The following RBL1 variants were observed in gnomAD, a reference collection of about 807,000 sequenced individuals.
RBL1 encodes the protein RB transcriptional corepressor like 1.
In RBL1, 82 loss-of-function variants were observed where a neutral mutation model predicts 123.0. That is an observed-to-expected ratio of 0.67 (90% CI 0.56 to 0.80). RBL1 has a LOEUF of 0.80. Among genes scored for constraint, RBL1 ranks in the 30% least tolerant of loss-of-function variants. RBL1 has a pLI of 0.00. For missense variants in RBL1, 1,171 were observed against 1,299.6 expected (o/e 0.90, Z 1.52); for synonymous variants, 405 against 441.3 (o/e 0.92, Z 1.03).
rs369090250 is a variant in RBL1, at chr20:37,020,735, G to A, written c.2560-5C>T. The A allele has an allele frequency of 5.5e-5, 85 of 1,549,196 alleles. No homozygotes were observed. In the African/African-American group the frequency reaches 1.0e-3, roughly 19 times the overall value. ...AGTTCTTTCTTCTTTTGTTACCTAAGGAAAATAAAAACCGCATTTATCAAC... is the reference window on the plus strand; with the variant it reads ...AGTTCTTTCTTCTTTTGTTACCTAAAGAAAATAAAAACCGCATTTATCAAC... On this transcript the variant is annotated splice_region_variant and splice_polypyrimidine_tract_variant and intron_variant, in intron 17 of 21. Transcript: ENST00000373664.
At chr20:37,082,013 T>C (rs778730572) in intron 2 of RBL1, 13 of 456,060 alleles carry the variant, frequency 2.9e-5, no homozygotes, top group African/African-American at 4.0e-5. Flanking sequence ...CCAGGAGACA[T>C]AGGGCAGCAG....
intron 2 of RBL1, chr20:37,081,847 A>G (rs1383552685): frequency 8.5e-6 from 3 of 354,496 alleles, no homozygotes; most frequent in Non-Finnish European, 1.7e-5. Flanking sequence ...ATGAATCTCA[A>G]ACCAAAATTA....
chr20:37,049,361 T>G, intron 11 of RBL1: 2 of 703,890 alleles, frequency 2.8e-6, no homozygotes, highest in Non-Finnish European at 5.1e-6. Flanking sequence ...AGGAAGGAAT[T>G]CCTCCTGATC....
chr20:37,088,518 A>G (rs2065590315), intron 2 of RBL1, among the ~76,000 whole-genome samples: 1 of 152,136 alleles, frequency 6.6e-6, no homozygotes, highest in Non-Finnish European at 1.5e-5. Flanking sequence ...AAAGGCAGAG[A>G]AAGAATATGA....
At chr20:37,017,654 C>A (rs965045044) in intron 19 of RBL1, among the ~76,000 whole-genome samples, 1 of 59,308 alleles carries the variant, frequency 1.7e-5, no homozygotes, top group African/African-American at 1.1e-4. Context: ...GTGTGTGTGA[C>A]AGAGTCTCAC....
chr20:36,999,453 C>CCTCCCTCCTCTCCCT (rs778119931), intron 21 of RBL1, among the ~76,000 whole-genome samples: 27 of 131,260 alleles, frequency 2.1e-4, no homozygotes, highest in Admixed American at 5.8e-4. Flanking sequence ...CCCTCCTCTC[C>CCTCCCTCCTCTCCCT]CTCCCTCCTC....
intron 2 of RBL1, among the ~76,000 whole-genome samples, chr20:37,083,189 TG>T (rs2065479460): frequency 6.6e-6 from 1 of 151,910 alleles, no homozygotes; most frequent in Admixed American, 6.6e-5. Flanking sequence ...TGCGGAAGGC[TG>T]GGCGCGGTGG....
At chr20:37,052,330 C>CTTAT (rs1339011676) in intron 11 of RBL1, among the ~76,000 whole-genome samples, 1 of 151,182 alleles carries the variant, frequency 6.6e-6, no homozygotes, top group Admixed American at 6.6e-5. Context: ...CGTGCCCAGC[C>CTTAT]TTATTTATTT....
At position 37,065,443 on chromosome 20, in the gene RBL1, A is replaced by G. The variant is rs781370060; in HGVS notation, c.877T>C (p.Ser293Pro). 23 of 1,595,038 alleles carry G rather than the reference A, an allele frequency of 1.4e-5. No homozygotes were observed. Among genetic ancestry groups the G allele is most frequent in the Non-Finnish European group, 1.9e-5 (22 of 1,167,968 alleles). The change falls in exon 7 of 22, where the codon TCA becomes CCA. Residue 293 changes from serine to proline, a missense_variant. By Grantham distance (74) the Ser-to-Pro change is moderately conservative. Transcript: ENST00000373664. Reference sequence around the variant, plus strand: ...ATTTACCTATTATCAGTAAAACTTGAAAGGTCCAGGAGGCATTCTCCTTTT... The same window carrying G: ...ATTTACCTATTATCAGTAAAACTTGGAAGGTCCAGGAGGCATTCTCCTTTT... ...ILKGECLLDL[S>P]SFTDNSKAVN...
intron 1 of RBL1, among the ~76,000 whole-genome samples, chr20:37,095,396 T>C (rs1007909183): frequency 5.9e-5 from 9 of 152,030 alleles, no homozygotes; most frequent in Non-Finnish European, 1.2e-4. Flanking sequence ...GAACTGAGGG[T>C]CCATTTAAAG....
rs144557441 is a variant in RBL1 at position 37,046,098 on chromosome 20, G to A, written c.1605+955C>T. ...AAATAGTTCTAGCAAGAAAAATAAAGGTAAGGTAAGTAAGATTCATTCACA... is the reference window on the plus strand; with the variant it reads ...AAATAGTTCTAGCAAGAAAAATAAAAGTAAGGTAAGTAAGATTCATTCACA... On this transcript the variant is annotated intron_variant, in intron 12 of 21. Transcript: ENST00000373664. 2.4e-3 allele frequency among the ~76,000 whole-genome samples: 363 copies of A among 152,246 alleles called. 2 individuals carry two copies. The highest frequency in any genetic ancestry group is 8.3e-3 in the African/African-American group (346 of 41,538).
chr20:37,038,629 G>T (rs71351057), intron 14 of RBL1, among the ~76,000 whole-genome samples: 3 of 133,050 alleles, frequency 2.3e-5, no homozygotes, highest in Non-Finnish European at 4.7e-5. Flanking sequence ...CTGAAACAGA[G>T]TCTCGCTCTG....
At chr20:37,063,259 G>C (rs1471315860) in intron 7 of RBL1, among the ~76,000 whole-genome samples, 1 of 152,074 alleles carries the variant, frequency 6.6e-6, no homozygotes, top group Admixed American at 6.5e-5. Context: ...TGTACTTTCA[G>C]TAGAGACGGG....
At chr20:37,060,142 AGCCTGGGCAAC>A (rs2065069764) in intron 9 of RBL1, among the ~76,000 whole-genome samples, 1 of 152,052 alleles carries the variant, frequency 6.6e-6, no homozygotes, top group African/African-American at 2.4e-5. Context: ...ATTGCACTCC[AGCCTGGGCAAC>A]AAGAGTGAAA....
chr20:37,073,524 C>G (rs1467554674), intron 2 of RBL1, among the ~76,000 whole-genome samples: 1 of 151,126 alleles, frequency 6.6e-6, no homozygotes, highest in East Asian at 1.9e-4. Context: ...ATAGTGGGAC[C>G]TCATGTCTAC....
At chr20:37,012,009 C>CGCGCT (rs1568819907) in intron 19 of RBL1, among the ~76,000 whole-genome samples, 1 of 152,170 alleles carries the variant, frequency 6.6e-6, no homozygotes, top group Non-Finnish European at 1.5e-5. Flanking sequence ...ATTGCAGGCG[C>CGCGCT]GCGCTGTCAC....
chr20:37,075,145 G>T (rs1476903202), intron 2 of RBL1, among the ~76,000 whole-genome samples: 1 of 152,184 alleles, frequency 6.6e-6, no homozygotes, highest in Non-Finnish European at 1.5e-5. Flanking sequence ...TATATGAAAT[G>T]TCCAGAATAG....
rs781479056 is a variant in RBL1 at position 37,035,271 on chromosome 20, G to A, written c.2141C>T (p.Thr714Ile). The A allele has an allele frequency of 5.6e-6, 9 of 1,613,712 alleles. No homozygotes were observed. Among genetic ancestry groups the A allele is most frequent in the African/African-American group, 2.7e-5 (2 of 74,910 alleles). ...TMATAPVTGT[T>I]GHKVTIPLHG... is the part of the protein sequence containing the mutation. Reference sequence around the variant, plus strand: ...TAATGGAATTGTAACTTTATGTCCTGTTGTTCCTGTTACTGGGGCTGTGGC... The same window carrying A: ...TAATGGAATTGTAACTTTATGTCCTATTGTTCCTGTTACTGGGGCTGTGGC... The change falls in exon 15 of 22, where the codon ACA becomes ATA. Residue 714 changes from threonine to isoleucine, a missense_variant. By Grantham distance (89) the Thr-to-Ile change is moderately conservative. Transcript: ENST00000373664.
At chr20:37,028,930 C>G (rs960226080) in intron 16 of RBL1, among the ~76,000 whole-genome samples, 2 of 152,110 alleles carry the variant, frequency 1.3e-5, no homozygotes, top group Non-Finnish European at 2.9e-5. Context: ...CTATCTCTTA[C>G]GAATATTGGC....
Sources: gnomAD v4.1 joint callset for allele counts (sites outside exome capture counted in the v4.1 genomes callset) on GRCh38, gnomAD v4.1.1 for gene constraint, MANE v1.5 for transcripts, NCBI Gene and HGNC (gene_info 2026-07-23, HGNC 2026-07-21) for gene names.